Variants in LMTK2 observed in about 807,000 individuals in gnomAD.
LMTK2 encodes lemur tail kinase 2.
A neutral mutation model predicts 127.5 loss-of-function variants in LMTK2; 37 were observed. The observed-to-expected ratio is 0.29, with a 90% confidence interval of 0.22 to 0.38. The LOEUF is 0.38. Among genes scored for constraint, LMTK2 ranks in the 10% least tolerant of loss-of-function variants. The pLI is 1.00. For synonymous variants in LMTK2, 819 were observed against 810.1 expected (o/e 1.01, Z -0.19); for missense variants, 1,694 against 1,920.3 (o/e 0.88, Z 2.20).
intron 6 of LMTK2, among the ~76,000 whole-genome samples, chr7:98,163,915 G>A (rs1027030668): frequency 5.9e-5 from 9 of 152,238 alleles, no homozygotes; most frequent in South Asian, 4.1e-4. Flanking sequence ...ACCGGCTATC[G>A]CTGCCTGTCT....
At chr7:98,186,760 T>A (rs111998978) in intron 8 of LMTK2, 117 bp from the exon 9 acceptor site, 82 of 909,276 alleles carry the variant, frequency 9.0e-5, no homozygotes, top group Non-Finnish European at 1.2e-4. Flanking sequence ...CTGCTTTTTT[T>A]TCTGACCTGG....
chr7:98,179,891 A>G (rs1001274796), intron 7 of LMTK2, among the ~76,000 whole-genome samples: 2 of 152,216 alleles, frequency 1.3e-5, no homozygotes, highest in Non-Finnish European at 2.9e-5. Context: ...AGCAGCTCCA[A>G]GTGTCACTGC....
intron 1 of LMTK2, among the ~76,000 whole-genome samples, chr7:98,130,032 G>T (rs889646304): frequency 6.6e-6 from 1 of 152,148 alleles, no homozygotes; most frequent in Non-Finnish European, 1.5e-5. Flanking sequence ...TCTGAGTTGA[G>T]CTCTGATGGG....
chr7:98,159,701 A>G (rs1020050349), intron 6 of LMTK2, among the ~76,000 whole-genome samples: 2 of 152,180 alleles, frequency 1.3e-5, no homozygotes, highest in Non-Finnish European at 2.9e-5. Context: ...ATATTTGTCC[A>G]TACTTTCCAT....
intron 5 of LMTK2, among the ~76,000 whole-genome samples, chr7:98,157,878 A>C (rs1213266061): frequency 6.6e-6 from 1 of 152,172 alleles, no homozygotes; most frequent in Non-Finnish European, 1.5e-5. Context: ...CTGAGTCTCC[A>C]TTGAGGTGGT....
At chr7:98,155,893 A>T (rs1439454069) in intron 5 of LMTK2, among the ~76,000 whole-genome samples, 6 of 152,144 alleles carry the variant, frequency 3.9e-5, no homozygotes, top group Non-Finnish European at 5.9e-5. Context: ...AATTAAAAAC[A>T]TTTGCGTTGT....
intron 2 of LMTK2, among the ~76,000 whole-genome samples, chr7:98,140,176 CT>C (rs367662383): frequency 0.16 from 1,715 of 10,540 alleles, 414 homozygotes; most frequent in Non-Finnish European, 0.18. Context: ...TCTTTTCTTT[CT>C]TTTCTTTCTT....
intron 1 of LMTK2, among the ~76,000 whole-genome samples, chr7:98,115,854 C>G (rs1796274172): frequency 6.6e-6 from 1 of 152,088 alleles, no homozygotes; most frequent in Non-Finnish European, 1.5e-5. Context: ...TAATAAATAC[C>G]AAATACCACT....
intron 6 of LMTK2, among the ~76,000 whole-genome samples, chr7:98,170,218 G>A (rs1172972942): frequency 6.6e-6 from 1 of 152,158 alleles, no homozygotes. Flanking sequence ...TGTATTTGCA[G>A]TAACAAGTGC....
At chr7:98,142,702 A>G (rs78055704) in intron 3 of LMTK2, among the ~76,000 whole-genome samples, 2,543 of 152,346 alleles carry the variant, frequency 0.017, 58 homozygotes, top group African/African-American at 0.057. Flanking sequence ...CTAAGTGGAA[A>G]CGAGAATTTT....
At chr7:98,147,741 G>T (rs1796794757) in intron 3 of LMTK2, among the ~76,000 whole-genome samples, 1 of 152,060 alleles carries the variant, frequency 6.6e-6, no homozygotes, top group South Asian at 2.1e-4. Context: ...TAAATTCACT[G>T]ATTCTGTCTG....
chr7:98,194,116 A>C lies in LMTK2; in HGVS notation c.3651A>C (p.Thr1217=), dbSNP rs929459069. 1.9e-6 allele frequency: 3 copies of C among 1,613,966 alleles called. No homozygotes were observed. The African/African-American group carries it at 4.0e-5, about 22-fold the overall frequency. The change falls in exon 11 of 14, where the codon ACA becomes ACC. Residue 1217 remains threonine, a synonymous_variant. Transcript: ENST00000297293. This position sits in a 1 kb window ranked among gnomAD's most constrained non-coding sequence, Gnocchi z 5.4. The part of the protein sequence containing the change: ...AELSSGDDFE[T]QDDRPCTLAS... ...TTAGCAGCGGCGATGACTTCGAGAC[A>C]CAGGACGATCGCCCCTGCACCCTCG...
At chr7:98,181,776 A>G (rs1000158710) in intron 7 of LMTK2, among the ~76,000 whole-genome samples, 37 of 151,326 alleles carry the variant, frequency 2.4e-4, no homozygotes, top group Non-Finnish European at 1.5e-4. Context: ...CTCCTGCCTC[A>G]GCCTCCCCAG....
Position 98,194,259 on chromosome 7 carries a change from A to G in LMTK2, c.3794A>G (p.Tyr1265Cys), listed in dbSNP as rs1797590632. 6.2e-7 allele frequency: 1 copy of G among 1,614,152 alleles called. No homozygotes were observed. Among genetic ancestry groups the G allele is most frequent in the South Asian group, 1.1e-5 (1 of 91,080 alleles). Residue 1265 changes from tyrosine to cysteine, a missense_variant, in exon 11 of 14, where the codon TAC becomes TGC. Physicochemically the swap from Tyr to Cys is radical, Grantham distance 194 (BLOSUM62 -2). Transcript: ENST00000297293. This position sits in a 1 kb window ranked among gnomAD's most constrained non-coding sequence, Gnocchi z 5.4. ...AAGGAGCCGGACATCGAAGGGAAGT[A>G]CCTGGGGAAACTCGGGGTGTCAGGG... is the stretch of plus-strand genomic sequence containing the variant. Reference protein sequence around the residue: ...KLKEPDIEGKYLGKLGVSGML... With the variant: ...KLKEPDIEGKCLGKLGVSGML...
chr7:98,203,493 G>A (rs1584302828), intron 11 of LMTK2, 81 bp from the exon 12 acceptor site: 8 of 1,487,996 alleles, frequency 5.4e-6, no homozygotes, highest in South Asian at 4.1e-5. Flanking sequence ...AGTCTGATGC[G>A]CCTGCCAGTG....
chr7:98,140,130 CTTT>C (rs1433044152), intron 2 of LMTK2, among the ~76,000 whole-genome samples: 66 of 35,580 alleles, frequency 1.9e-3, no homozygotes, highest in East Asian at 2.4e-3. Flanking sequence ...TTCTTTCTTT[CTTT>C]CTTTCTTTCT....
chr7:98,132,230 A>G (rs1182667070), intron 1 of LMTK2, among the ~76,000 whole-genome samples: 3 of 152,084 alleles, frequency 2.0e-5, no homozygotes, highest in Non-Finnish European at 4.4e-5. Context: ...TGAACTGGTC[A>G]CTGCCAGAGG....
At chr7:98,108,853 A>G (rs1584236759) in intron 1 of LMTK2, among the ~76,000 whole-genome samples, 1 of 134,556 alleles carries the variant, frequency 7.4e-6, no homozygotes, top group Admixed American at 8.6e-5. Context: ...GTCTGCCTGC[A>G]CACTTTTTTT....
intron 10 of LMTK2, among the ~76,000 whole-genome samples, chr7:98,191,228 G>A (rs539192759): frequency 2.6e-5 from 4 of 152,258 alleles, no homozygotes; most frequent in Admixed American, 1.3e-4. Flanking sequence ...GATTACAAGT[G>A]TGAGCCAGGG....
Sources: gnomAD v4.1 joint callset for allele counts (sites outside exome capture counted in the v4.1 genomes callset) on GRCh38, gnomAD v4.1.1 for gene constraint, Gnocchi (gnomAD v3.1) non-coding constraint, MANE v1.5 for transcripts, NCBI Gene and HGNC (gene_info 2026-07-23, HGNC 2026-07-21) for gene names.